The following DOCK4 variants were observed in gnomAD, a reference collection of about 807,000 sequenced individuals.
The protein encoded by DOCK4 is dedicator of cytokinesis 4.
A neutral mutation model predicts 268.1 loss-of-function variants in DOCK4; 97 were observed. The observed-to-expected ratio is 0.36, with a 90% CI of 0.31 to 0.43. The LOEUF is 0.43. DOCK4 is among the 20% of genes least tolerant of loss of function. DOCK4 has a pLI of 1.00. For synonymous variants in DOCK4, 954 were observed against 887.2 expected, an observed-to-expected ratio of 1.08 and a Z score of -1.34; for missense variants, 2,145 against 2,455.7, an observed-to-expected ratio of 0.87 and a Z score of 2.67.
intron 47 of DOCK4, among the ~76,000 whole-genome samples, chr7:111,740,530 C>T (rs1278445117): frequency 1.3e-5 from 2 of 150,120 alleles, no homozygotes; most frequent in Non-Finnish European, 3.0e-5. Flanking sequence ...GTCAGGAGTT[C>T]GAGACCAACC....
chr7:112,002,273 A>C lies in DOCK4; in HGVS notation c.122-1739T>G, dbSNP rs147429527. Among the ~76,000 whole-genome samples, 546 of 152,302 alleles carry C rather than the reference A, an allele frequency of 3.6e-3. 4 individuals are homozygous for C. The highest frequency in any genetic ancestry group is 0.012 in the African/African-American group (510 of 41,560). ...CCATAAAGACAGATCCAAGAAATAC[A>C]TCCATTTGTAAATAATTATTCTAAC... On this transcript the variant is annotated intron_variant, in intron 2 of 52. Transcript: ENST00000428084.
chr7:111,907,423 C>A (rs1430367864), intron 13 of DOCK4, among the ~76,000 whole-genome samples: 1 of 152,038 alleles, frequency 6.6e-6, no homozygotes, highest in African/African-American at 2.4e-5. Context: ...TGAGACAATG[C>A]ATGGAGATCT....
chr7:111,794,736 C>T (rs769723606), intron 30 of DOCK4, among the ~76,000 whole-genome samples: 4 of 152,172 alleles, frequency 2.6e-5, no homozygotes, highest in Non-Finnish European at 4.4e-5. Flanking sequence ...CTCCCACTTA[C>T]AGAGAAGGCA....
chr7:112,158,741 G>A (rs1189869106), intron 1 of DOCK4, among the ~76,000 whole-genome samples: 1 of 152,278 alleles, frequency 6.6e-6, no homozygotes, highest in East Asian at 1.9e-4. Context: ...AAAGTAGTTA[G>A]AGAAGCTTTG....
At chr7:111,945,207 T>C (rs1390513484) in intron 9 of DOCK4, among the ~76,000 whole-genome samples, 3 of 152,162 alleles carry the variant, frequency 2.0e-5, no homozygotes, top group Non-Finnish European at 4.4e-5. Context: ...TTTTTGGAGA[T>C]GGAGTTTCGC....
At position 112,098,527 on chromosome 7, in the gene DOCK4, C is replaced by G. The variant is rs1311349912; in HGVS notation, c.38-94396G>C. On this transcript the variant is annotated intron_variant, in intron 1 of 52. Coordinates refer to ENST00000428084, the MANE Select transcript of DOCK4 (RefSeq NM_001363540.2). Reference sequence around the variant, plus strand: ...ATTATATATATATAATTTCCTTTAGCAGTGAATAGGTACTATTTTATATAA... The same window carrying G: ...ATTATATATATATAATTTCCTTTAGGAGTGAATAGGTACTATTTTATATAA... Among the ~76,000 whole-genome samples the G allele has an allele frequency of 4.0e-5, 6 of 149,462 alleles. 1 individual carries two copies. In the East Asian group the frequency reaches 1.2e-3, roughly 29 times the overall value.
At chr7:111,842,491 GCTGAGTGAGGAGC>G in intron 25 of DOCK4, among the ~76,000 whole-genome samples, 1 of 152,288 alleles carries the variant, frequency 6.6e-6, no homozygotes, top group South Asian at 2.1e-4. Context: ...CACTGCAAAG[GCTGAGTGAGGAGC>G]CTAGACTTCC....
intron 12 of DOCK4, among the ~76,000 whole-genome samples, chr7:111,931,005 A>G (rs1002549322): frequency 2.0e-5 from 3 of 152,202 alleles, no homozygotes; most frequent in African/African-American, 7.2e-5. Context: ...CCTCAGCTTG[A>G]GAGAGGCTAG....
rs577923782 is a variant in DOCK4, at chr7:112,186,539, A to C, written c.37+19563T>G. ...AATGATGCATGTATGACCTTGGCAT[A>C]GGGCCTGACACCTAGTAAGAGTTCA... On this transcript the variant is annotated intron_variant, in intron 1 of 52. Transcript: ENST00000428084. 1.9e-4 allele frequency among the ~76,000 whole-genome samples: 29 copies of C among 152,364 alleles called. No homozygotes were observed. In the South Asian group the frequency reaches 6.0e-3, roughly 32 times the overall value.
chr7:111,782,703 C>A (rs948119673), intron 35 of DOCK4, among the ~76,000 whole-genome samples, 161 bp downstream of exon 35: 2 of 152,086 alleles, frequency 1.3e-5, no homozygotes, highest in African/African-American at 4.8e-5. Context: ...TTTAATTTAA[C>A]CTGCAGCTCA....
chr7:111,773,231 TAA>T (rs1798236087), intron 36 of DOCK4, among the ~76,000 whole-genome samples: 2 of 152,196 alleles, frequency 1.3e-5, no homozygotes, highest in African/African-American at 4.8e-5. Flanking sequence ...GGAAAAGGGT[TAA>T]GTCACTTAAA....
chr7:111,946,899 C>T (rs534670677), intron 8 of DOCK4, among the ~76,000 whole-genome samples: 76 of 152,250 alleles, frequency 5.0e-4, no homozygotes, highest in African/African-American at 1.8e-3. Flanking sequence ...CCATTTAGAT[C>T]CAAGGTAATG....
intron 8 of DOCK4, among the ~76,000 whole-genome samples, chr7:111,976,190 ACGCACACACG>A (rs1296211854): frequency 6.5e-5 from 5 of 77,158 alleles, no homozygotes; most frequent in African/African-American, 4.0e-4. Context: ...ACACACACAC[ACGCACACACG>A]CACATATGTG....
At chr7:111,831,625 T>C (rs1297944878) in intron 26 of DOCK4, among the ~76,000 whole-genome samples, 1 of 151,948 alleles carries the variant, frequency 6.6e-6, no homozygotes, top group Non-Finnish European at 1.5e-5. Context: ...GCTGGGACTA[T>C]AGATGTGTGC....
At chr7:111,791,594 ACATGACAC>A (rs1014085544) in intron 30 of DOCK4, among the ~76,000 whole-genome samples, 30 of 152,040 alleles carry the variant, frequency 2.0e-4, no homozygotes, top group African/African-American at 7.2e-4. Flanking sequence ...ATTTACAGGC[ACATGACAC>A]CATGGCCAGC....
intron 1 of DOCK4, among the ~76,000 whole-genome samples, chr7:112,016,712 T>C (rs1245384559): frequency 6.6e-6 from 1 of 152,206 alleles, no homozygotes; most frequent in African/African-American, 2.4e-5. Context: ...AGTCTTGATT[T>C]CTTTAACATA....
chr7:112,088,167 T>A (rs79508801), intron 1 of DOCK4, among the ~76,000 whole-genome samples: 4,028 of 152,144 alleles, frequency 0.026, 202 homozygotes, highest in African/African-American at 0.093. Context: ...TAAAATCACA[T>A]CTTCAGGCAG....
chr7:111,914,999 A>T (rs1792466398), intron 13 of DOCK4, among the ~76,000 whole-genome samples: 1 of 152,210 alleles, frequency 6.6e-6, no homozygotes, highest in Non-Finnish European at 1.5e-5. Context: ...CTGACTGACT[A>T]AATCAATTTT....
chr7:112,075,962 T>A (rs540891446), intron 1 of DOCK4, among the ~76,000 whole-genome samples: 6 of 152,320 alleles, frequency 3.9e-5, no homozygotes, highest in Middle Eastern at 3.4e-3. Context: ...TTTTATCTTA[T>A]CTTTTAGGCT....
Sources: allele counts gnomAD v4.1 joint callset (sites outside exome capture counted in the v4.1 genomes callset), GRCh38; gene constraint gnomAD v4.1.1; transcripts MANE v1.5; gene names NCBI Gene and HGNC (gene_info 2026-07-23, HGNC 2026-07-21).